LRP2: variants seen among roughly 807,000 people sequenced by gnomAD.
LRP2 encodes the protein LDL receptor related protein 2.
In LRP2, 172 loss-of-function variants were observed where a neutral mutation model predicts 531.0. The ratio of observed to expected loss-of-function variants is 0.32; its 90% CI spans 0.29 to 0.37. The LOEUF is 0.37. Among genes scored for constraint, LRP2 ranks in the 10% least tolerant of loss-of-function variants. The pLI is 1.00. For missense variants in LRP2, 5,167 were observed against 5,868.3 expected, an observed-to-expected ratio of 0.88 and a Z score of 3.90; for synonymous variants, 1,992 against 2,027.6, an observed-to-expected ratio of 0.98 and a Z score of 0.47.
intron 64 of LRP2, among the ~76,000 whole-genome samples, chr2:169,156,699 A>G (rs1017373524): frequency 7.2e-5 from 11 of 152,232 alleles, no homozygotes; most frequent in African/African-American, 2.7e-4. Context: ...TGACTCTGCA[A>G]TAGCAGAGCA....
Position 169,233,567 on chromosome 2 carries a change from G to A in LRP2, c.4942C>T (p.Leu1648=). 6.2e-7 allele frequency: 1 copy of A among 1,614,122 alleles called. No individual in the cohort carries two copies. The highest frequency in any genetic ancestry group is 8.5e-7 in the Non-Finnish European group (1 of 1,180,014). The change falls in exon 30 of 79, where the codon CTA becomes TTA. Residue 1648 remains leucine (L), a synonymous_variant. Transcript: ENST00000649046. ...SDLIIRHPYA[L]TLFEDSVYWT... ...TACACAGAGTCTTCAAAGAGAGTTA[G>A]GGCATAGGGGTGCCGTATAATCTGT...
intron 4 of LRP2, among the ~76,000 whole-genome samples, chr2:169,300,594 T>C (rs575260573): frequency 6.6e-6 from 1 of 152,230 alleles, no homozygotes; most frequent in South Asian, 2.1e-4. Context: ...AGAGGGATCT[T>C]AGGATCTTTT....
chr2:169,240,921 G>A, intron 25 of LRP2, 67 bp downstream of exon 25: 2 of 1,577,486 alleles, frequency 1.3e-6, no homozygotes, highest in South Asian at 2.2e-5. Flanking sequence ...CTGTGACAAT[G>A]GTGATGCACA....
At chr2:169,145,684 C>T in intron 70 of LRP2, 63 bp downstream of exon 70, 1 of 1,484,008 alleles carries the variant, frequency 6.7e-7, no homozygotes, top group Non-Finnish European at 9.4e-7. Flanking sequence ...AGCAATATAG[C>T]CATTATTTTG....
In LRP2 at chr2:169,177,181, A is replaced by T. The variant is rs565328828; in HGVS notation, c.10394-593T>A. 9.7e-4 allele frequency among the ~76,000 whole-genome samples: 148 copies of T among 152,336 alleles called. 1 individual carries two copies. Among genetic ancestry groups the T allele is most frequent in the Non-Finnish European group, 1.8e-3 (125 of 68,032 alleles). ...AGTTTATCATATGTTTTAGCAAGAC[A>T]TCACAACAAAGCAGACCCACAAAAA... On this transcript the variant is annotated intron_variant, in intron 53 of 78. Transcript: ENST00000649046.
intron 16 of LRP2, among the ~76,000 whole-genome samples, chr2:169,263,246 G>A (rs1276493315): frequency 1.3e-5 from 2 of 152,060 alleles, no homozygotes; most frequent in Non-Finnish European, 2.9e-5. Context: ...TTGACAAATG[G>A]GATCTAATTA....
chr2:169,342,555 C>T (rs1447589917), intron 1 of LRP2, among the ~76,000 whole-genome samples: 8 of 152,150 alleles, frequency 5.3e-5, no homozygotes, highest in Non-Finnish European at 1.0e-4. Context: ...AGGCACCAAA[C>T]TTCTTAGCTT....
chr2:169,211,237 C>T (rs1688580711), intron 37 of LRP2, among the ~76,000 whole-genome samples: 1 of 152,166 alleles, frequency 6.6e-6, no homozygotes, highest in Non-Finnish European at 1.5e-5. Context: ...TCATTGACTT[C>T]ATCCTTTTTT....
chr2:169,181,996 TGAA>T (rs1687456643), intron 51 of LRP2, among the ~76,000 whole-genome samples, 168 bp downstream of exon 51: 1 of 152,152 alleles, frequency 6.6e-6, no homozygotes, highest in East Asian at 1.9e-4. Context: ...GATGATGATT[TGAA>T]GAAGCCATGC....
At chr2:169,204,380 T>G in intron 41 of LRP2, 109 bp from the exon 42 acceptor site, 2 of 1,079,552 alleles carry the variant, frequency 1.9e-6, no homozygotes, top group Non-Finnish European at 2.8e-6. Flanking sequence ...GCTGCAAACT[T>G]TCTTTTCAAA....
intron 63 of LRP2, among the ~76,000 whole-genome samples, chr2:169,160,443 G>A (rs1288944242): frequency 1.3e-5 from 2 of 151,866 alleles, no homozygotes; most frequent in African/African-American, 2.4e-5. Flanking sequence ...TGCTTTTGGA[G>A]AAGAAGAAGA....
chr2:169,244,768 G>T lies in LRP2; in HGVS notation c.3355C>A (p.His1119Asn), dbSNP rs183570870. 409 of 1,614,234 alleles carry T rather than the reference G, an allele frequency of 2.5e-4. No homozygotes were observed. In the Middle Eastern group the frequency reaches 3.1e-3, roughly 12 times the overall value. ...ACCCAGTTCTTTGAGATACACTGGTGATTATCACAGGTGTATTGGGTGTCA... is the reference window on the plus strand; with the variant it reads ...ACCCAGTTCTTTGAGATACACTGGTTATTATCACAGGTGTATTGGGTGTCA... ...CLDTQYTCDN[H>N]QCISKNWVCD... Residue 1119 changes from histidine (H) to asparagine (N), a missense_variant, in exon 22 of 79, where the codon CAC becomes AAC. By Grantham distance (68) the His-to-Asn change is moderately conservative (BLOSUM62 1). This residue lies in a region of LRP2 where 2,811 missense variants were observed against 3,058.0 expected (regional missense o/e 0.92). Coordinates refer to ENST00000649046, the MANE Select transcript of LRP2 (RefSeq NM_004525.3).
chr2:169,308,904 T>G (rs1684506171), intron 3 of LRP2, among the ~76,000 whole-genome samples: 1 of 152,120 alleles, frequency 6.6e-6, no homozygotes, highest in East Asian at 1.9e-4. Context: ...GACTTTTTAA[T>G]GATCACCATT....
chr2:169,243,167 G>A, intron 23 of LRP2, 95 bp from the exon 24 acceptor site: 2 of 1,073,952 alleles, frequency 1.9e-6, no homozygotes, highest in Non-Finnish European at 2.8e-6. Flanking sequence ...TTTAAGTTCT[G>A]GAGTACATAT....
rs529409328 is a variant in LRP2, at chr2:169,282,904, C to A, written c.1140G>T (p.Glu380Asp). ...CATTAGCTTTGCAATACTGTCCACG[C>A]TCCAAGATATACCCTTCTTCACAGT... is the stretch of plus-strand genomic sequence containing the variant. ...LCHCEEGYIL[E>D]RGQYCKANDS... Residue 380 changes from glutamate (E) to aspartate (D), a missense_variant, in exon 10 of 79, where the codon GAG (glutamate) becomes GAT (aspartate). By Grantham distance (45) the Glu-to-Asp change is conservative. Transcript: ENST00000649046. 1.1e-5 allele frequency: 18 copies of A among 1,614,116 alleles called. No homozygotes were observed. The highest frequency in any genetic ancestry group is 4.0e-5 in the African/African-American group (3 of 75,054).
At chr2:169,295,587 G>A (rs995174771) in intron 4 of LRP2, among the ~76,000 whole-genome samples, 17 of 151,976 alleles carry the variant, frequency 1.1e-4, no homozygotes, top group African/African-American at 3.1e-4. Context: ...ATCTCTTTCC[G>A]CCATGACATA....
Position 169,175,552 on chromosome 2 carries a change from G to A in LRP2, c.10572-163C>T, listed in dbSNP as rs17848183. Among the ~76,000 whole-genome samples, 60 of 152,012 alleles carry A rather than the reference G, an allele frequency of 3.9e-4. 1 individual carries two copies. In the East Asian group the frequency reaches 9.1e-3, roughly 23 times the overall value. On this transcript the variant is annotated intron_variant, in intron 54 of 78. Coordinates refer to ENST00000649046, the MANE Select transcript of LRP2 (RefSeq NM_004525.3). Reference sequence around the variant, plus strand: ...TCAGTTACAATGGTGTATTTTCAGAGAAAACATAACTTGGCAAGATAGAAC... The same window carrying A: ...TCAGTTACAATGGTGTATTTTCAGAAAAAACATAACTTGGCAAGATAGAAC...
In LRP2 at chr2:169,169,830, A is replaced by G. The variant is rs1300813814; in HGVS notation, c.11381-12T>C. On this transcript the variant is annotated splice_polypyrimidine_tract_variant and intron_variant, in intron 59 of 78. Transcript: ENST00000649046. ...GCAGGTCCTCATCTCTGAAGAGAAA[A>G]GATTGTCATTCCGAGAAGGCCTTGT... 6 of 1,570,970 alleles carry G rather than the reference A, an allele frequency of 3.8e-6. No homozygotes were observed. Among genetic ancestry groups the G allele is most frequent in the Non-Finnish European group, 5.3e-6 (6 of 1,140,848 alleles).
intron 1 of LRP2, among the ~76,000 whole-genome samples, chr2:169,338,376 G>GA (rs916162843): frequency 3.6e-5 from 4 of 111,508 alleles, no homozygotes; most frequent in African/African-American, 1.5e-4. Flanking sequence ...AAGAAAGAAA[G>GA]AAAGAAAGAA....
Sources: allele counts gnomAD v4.1 joint callset (sites outside exome capture counted in the v4.1 genomes callset), GRCh38; gene constraint gnomAD v4.1.1; regional missense constraint gnomAD v4.1.1; transcripts MANE v1.5; gene names NCBI Gene and HGNC (gene_info 2026-07-23, HGNC 2026-07-21).